The following CFAP20DC variants were observed in gnomAD, a reference collection of about 807,000 sequenced individuals.
The protein encoded by CFAP20DC is protein CFAP20DC.
CFAP20DC carries 84 observed loss-of-function variants against 101.7 expected under a neutral mutation model. The ratio of observed to expected loss-of-function variants is 0.83; its 90% CI spans 0.69 to 0.99. The LOEUF (loss-of-function observed/expected upper bound fraction) is 0.99. CFAP20DC is among the 50% of genes least tolerant of loss of function. The pLI is 0.00. For missense variants in CFAP20DC, 1,007 were observed against 970.3 expected, an observed-to-expected ratio of 1.04 and a Z score of -0.50; for synonymous variants, 359 against 351.2, an observed-to-expected ratio of 1.02 and a Z score of -0.25.
intron 15 of CFAP20DC, among the ~76,000 whole-genome samples, chr3:58,792,115 A>G (rs2072909527): frequency 6.6e-6 from 1 of 152,200 alleles, no homozygotes; most frequent in South Asian, 2.1e-4. Context: ...CCAAGAATAT[A>G]GACTATTCTC....
At chr3:58,866,127 C>T (rs1316912433) in intron 11 of CFAP20DC, among the ~76,000 whole-genome samples, 1 of 152,166 alleles carries the variant, frequency 6.6e-6, no homozygotes, top group Non-Finnish European at 1.5e-5. Flanking sequence ...GATTGACAAA[C>T]CACAAACAAT....
chr3:58,784,246 A>C (rs987182070), intron 15 of CFAP20DC, among the ~76,000 whole-genome samples: 1 of 152,088 alleles, frequency 6.6e-6, no homozygotes, highest in Non-Finnish European at 1.5e-5. Flanking sequence ...TGTTGCTAAA[A>C]AGGACATGAT....
intron 4 of CFAP20DC, among the ~76,000 whole-genome samples, chr3:58,980,747 T>C (rs1467749430): frequency 2.0e-5 from 3 of 152,126 alleles, no homozygotes; most frequent in Non-Finnish European, 2.9e-5. Context: ...ACAGCGAATA[T>C]CATACTGAAT....
chr3:59,036,991 A>C (rs1222589330), intron 4 of CFAP20DC, among the ~76,000 whole-genome samples: 1 of 152,204 alleles, frequency 6.6e-6, no homozygotes, highest in Non-Finnish European at 1.5e-5. Flanking sequence ...ATCCACAACC[A>C]GTTGATTTTT....
intron 4 of CFAP20DC, among the ~76,000 whole-genome samples, chr3:59,008,552 C>A (rs1318213959): frequency 2.0e-5 from 3 of 152,172 alleles, no homozygotes; most frequent in African/African-American, 7.2e-5. Flanking sequence ...AGTTCATGTC[C>A]TTTGTAGGGA....
At position 58,890,768 on chromosome 3, in the gene CFAP20DC, G is replaced by A. The variant is rs1453420787; in HGVS notation, c.551-6059C>T. Among the ~76,000 whole-genome samples the A allele has an allele frequency of 4.9e-5, 7 of 143,620 alleles. No homozygotes were observed. The South Asian group carries it at 6.8e-4, about 14-fold the overall frequency. The allele number at this position is 143,620 out of a possible 152,430, so 94.2% of individuals were successfully genotyped here. Reference sequence around the variant, plus strand: ...GACGGGGTTGCGGCCGGGCAGAGGCGCTCCTCACATCCCAGATGGGGCGGC... The same window carrying A: ...GACGGGGTTGCGGCCGGGCAGAGGCACTCCTCACATCCCAGATGGGGCGGC... On this transcript the variant is annotated intron_variant, in intron 6 of 16. Coordinates refer to ENST00000482387, the MANE Select transcript of CFAP20DC (RefSeq NM_001394063.1).
intron 13 of CFAP20DC, among the ~76,000 whole-genome samples, chr3:58,847,968 G>A (rs1266752872): frequency 1.6e-5 from 2 of 124,046 alleles, no homozygotes; most frequent in African/African-American, 6.3e-5. Context: ...ATTGAACAAT[G>A]AGATCACATG....
At chr3:58,751,413 C>T (rs1159936181) in intron 16 of CFAP20DC, among the ~76,000 whole-genome samples, 2 of 152,038 alleles carry the variant, frequency 1.3e-5, no homozygotes, top group African/African-American at 4.8e-5. Context: ...TCCAACGATC[C>T]TACCCTTCAT....
At chr3:58,730,507 G>A (rs2067625055) in intron 3 of CFAP20DC, among the ~76,000 whole-genome samples, 1 of 152,148 alleles carries the variant, frequency 6.6e-6, no homozygotes, top group African/African-American at 2.4e-5. Context: ...GAGGAGAAAA[G>A]GCATCGCATT....
chr3:58,995,646 G>A (rs2093096032), intron 4 of CFAP20DC, among the ~76,000 whole-genome samples: 2 of 152,088 alleles, frequency 1.3e-5, no homozygotes, highest in African/African-American at 4.8e-5. Context: ...GTTTTTGGCC[G>A]AGATTAACAC....
intron 6 of CFAP20DC, among the ~76,000 whole-genome samples, chr3:58,906,875 G>A (rs2083641971): frequency 6.6e-6 from 1 of 152,154 alleles, no homozygotes; most frequent in South Asian, 2.1e-4. Context: ...GCTGCAGTGA[G>A]CTGTGATCAC....
At chr3:58,769,560 G>T (rs1318852857) in intron 15 of CFAP20DC, among the ~76,000 whole-genome samples, 2 of 152,174 alleles carry the variant, frequency 1.3e-5, no homozygotes, top group Non-Finnish European at 2.9e-5. Context: ...AAATGGATGA[G>T]TTCTCTGAGG....
At chr3:58,775,739 TTCTG>T (rs1242731405) in intron 15 of CFAP20DC, among the ~76,000 whole-genome samples, 15 of 151,590 alleles carry the variant, frequency 9.9e-5, no homozygotes, top group African/African-American at 3.2e-4. Flanking sequence ...CCTCTCCCTT[TTCTG>T]TCTTTTTTTT....
intron 4 of CFAP20DC, among the ~76,000 whole-genome samples, chr3:58,955,667 T>C (rs963604111): frequency 2.6e-5 from 4 of 152,014 alleles, no homozygotes; most frequent in Non-Finnish European, 4.4e-5. Flanking sequence ...AGGCAAGTCC[T>C]AGTGCTGAAC....
rs1472818139 is a variant in CFAP20DC at position 58,732,981 on chromosome 3, A to G, written c.198-15353T>C. Among the ~76,000 whole-genome samples, 4 of 152,244 alleles carry G rather than the reference A, an allele frequency of 2.6e-5. No homozygotes were observed. The highest frequency in any genetic ancestry group is 9.6e-5 in the African/African-American group (4 of 41,472). Reference sequence around the variant, plus strand: ...CTTAACATAATCTTATCCAATCATTAGAAAAACCTCATTAATTTTGTCTAC... The same window carrying G: ...CTTAACATAATCTTATCCAATCATTGGAAAAACCTCATTAATTTTGTCTAC... On this transcript the variant is annotated intron_variant, in intron 3 of 3. Coordinates refer to the CFAP20DC transcript ENST00000486145. The surrounding 1 kb of genome is among the most constrained non-coding windows in gnomAD (Gnocchi z 5.4).
chr3:58,952,470 G>A (rs1174884267), intron 4 of CFAP20DC, among the ~76,000 whole-genome samples: 1 of 152,106 alleles, frequency 6.6e-6, no homozygotes, highest in African/African-American at 2.4e-5. Context: ...TGCAGTGCTT[G>A]TATTCAAGTA....
intron 15 of CFAP20DC, among the ~76,000 whole-genome samples, chr3:58,770,129 A>G (rs1050306366): frequency 1.7e-4 from 26 of 152,344 alleles, no homozygotes; most frequent in Admixed American, 1.6e-3. Context: ...TTTTCTAGAC[A>G]CTGAACTATT....
At chr3:58,931,215 G>A (rs180864750) in intron 5 of CFAP20DC, among the ~76,000 whole-genome samples, 374 of 152,274 alleles carry the variant, frequency 2.5e-3, no homozygotes, top group Non-Finnish European at 4.4e-3. Flanking sequence ...AGCGAGGCTG[G>A]GGGAGGGGTG....
chr3:58,807,734 GAGA>G (rs1441138359), intron 14 of CFAP20DC, among the ~76,000 whole-genome samples: 2 of 152,174 alleles, frequency 1.3e-5, no homozygotes, highest in Admixed American at 6.5e-5. Flanking sequence ...GACGAGTTGC[GAGA>G]AGAAGGCTTC....
Sources: allele counts gnomAD v4.1 joint callset (sites outside exome capture counted in the v4.1 genomes callset), GRCh38; gene constraint gnomAD v4.1.1; non-coding constraint Gnocchi (gnomAD v3.1); transcripts MANE v1.5; gene names NCBI Gene and HGNC (gene_info 2026-07-23, HGNC 2026-07-21).